Variants in EYA3 observed in about 807,000 individuals in gnomAD.
EYA3 encodes protein phosphatase EYA3.
In EYA3, 39 loss-of-function variants were observed where a neutral mutation model predicts 80.0. The observed-to-expected ratio is 0.49, with a 90% CI of 0.38 to 0.64. The LOEUF is 0.64. Among genes scored for constraint, EYA3 ranks in the 30% least tolerant of loss-of-function variants. EYA3 has a pLI of 0.00. For synonymous variants in EYA3, 206 were observed against 232.8 expected (o/e 0.88, Z 1.05); for missense variants, 523 against 676.1 (o/e 0.77, Z 2.51).
At chr1:27,994,811 A>ATTT (rs1640318917) in intron 13 of EYA3, among the ~76,000 whole-genome samples, 1 of 151,680 alleles carries the variant, frequency 6.6e-6, no homozygotes, top group Non-Finnish European at 1.5e-5. Context: ...TAAGAAAAAA[A>ATTT]TTTTTTAATT....
At chr1:28,032,224 G>T (rs1643188913) in intron 6 of EYA3, 1 of 152,138 alleles carries the variant, frequency 6.6e-6, no homozygotes, top group African/African-American at 2.4e-5. Context: ...TTACAACATT[G>T]TGTTTTTGCT....
chr1:27,981,861 CAA>C (rs1432898067), intron 16 of EYA3, among the ~76,000 whole-genome samples: 1 of 151,812 alleles, frequency 6.6e-6, no homozygotes, highest in African/African-American at 2.4e-5. Context: ...ATTTATGAGA[CAA>C]AGTCTTGCTA....
rs1357505545 is a variant in EYA3 at position 28,013,810 on chromosome 1, C to T, written c.586-516G>A. Among the ~76,000 whole-genome samples, 1 of 152,244 alleles carries T rather than the reference C, an allele frequency of 6.6e-6. No homozygotes were observed. The highest frequency in any genetic ancestry group is 1.5e-5 in the Non-Finnish European group (1 of 68,052). Reference sequence around the variant, plus strand: ...GGGTGCAGTGGCTCATGCCTGTAATCTCAGCACTTTGGAAGGCCAAGATGG... The same window carrying T: ...GGGTGCAGTGGCTCATGCCTGTAATTTCAGCACTTTGGAAGGCCAAGATGG... On this transcript the variant is annotated intron_variant, in intron 8 of 17. Coordinates refer to ENST00000373871, the MANE Select transcript of EYA3 (RefSeq NM_001990.4). The surrounding 1 kb of genome is among the most constrained non-coding windows in gnomAD (Gnocchi z 4.0).
chr1:27,993,352 G>A, intron 14 of EYA3, 48 bp downstream of exon 14: 1 of 1,575,966 alleles, frequency 6.3e-7, no homozygotes, highest in Non-Finnish European at 8.6e-7. Flanking sequence ...AGAAAAGGAG[G>A]AAACCAGGAA....
chr1:28,000,310 AT>A (rs577325605), intron 11 of EYA3, among the ~76,000 whole-genome samples: 103 of 150,068 alleles, frequency 6.9e-4, no homozygotes, highest in African/African-American at 1.8e-3. Context: ...AGAAAATATG[AT>A]TTTTTTTTTC....
At chr1:28,002,203 C>G (rs1361153090) in intron 11 of EYA3, among the ~76,000 whole-genome samples, 1 of 152,148 alleles carries the variant, frequency 6.6e-6, no homozygotes, top group African/African-American at 2.4e-5. Flanking sequence ...GTGTGAGCCA[C>G]CGCACCCGGC....
chr1:28,017,216 T>A lies in EYA3; in HGVS notation c.523A>T (p.Ile175Leu). 1 of 1,613,878 alleles carries A rather than the reference T, an allele frequency of 6.2e-7. No homozygotes were observed. Among genetic ancestry groups the A allele is most frequent in the Non-Finnish European group, 8.5e-7 (1 of 1,179,816 alleles). The change falls in exon 8 of 18, where the codon ATA becomes TTA. Residue 175 changes from isoleucine (I) to leucine (L), a missense_variant. Coordinates refer to ENST00000373871, the MANE Select transcript of EYA3 (RefSeq NM_001990.4). ...IQASSTNASL[I>L]STSSTIANIP... is the part of the protein sequence containing the mutation. ...TTGGCAATTGTAGAAGAAGTAGATA[T>A]CAGGCTGGCATTTGTGCTTGAAGCT...
At chr1:27,981,534 C>A (rs1245235732) in intron 16 of EYA3, among the ~76,000 whole-genome samples, 2 of 152,074 alleles carry the variant, frequency 1.3e-5, no homozygotes, top group African/African-American at 4.8e-5. Context: ...TCCACCCAAT[C>A]CCTTGTAAAT....
At chr1:28,062,689 T>G (rs1644677750) in intron 1 of EYA3, among the ~76,000 whole-genome samples, 1 of 151,752 alleles carries the variant, frequency 6.6e-6, no homozygotes, top group East Asian at 1.9e-4. Context: ...TGTGTGTGTG[T>G]GTGTTCTGTT....
chr1:28,048,577 A>G, intron 2 of EYA3, 151 bp from the exon 3 acceptor site: 2 of 501,614 alleles, frequency 4.0e-6, no homozygotes, highest in Non-Finnish European at 7.0e-6. Flanking sequence ...TTTTAGAGCT[A>G]GAAATGAAGT....
At chr1:28,028,995 C>T (rs1000699819) in intron 6 of EYA3, among the ~76,000 whole-genome samples, 4 of 152,058 alleles carry the variant, frequency 2.6e-5, no homozygotes, top group African/African-American at 9.7e-5. Context: ...GTTGGGATTA[C>T]AGGCATGAGC....
At position 28,056,249 on chromosome 1, in the gene EYA3, T is replaced by C. The variant is rs1289551352; in HGVS notation, c.33+1745A>G. Among the ~76,000 whole-genome samples, 3 of 152,256 alleles carry C rather than the reference T, an allele frequency of 2.0e-5. No homozygotes were observed. The East Asian group carries it at 5.8e-4, about 29-fold the overall frequency. On this transcript the variant is annotated intron_variant, in intron 2 of 17. Coordinates refer to ENST00000373871, the MANE Select transcript of EYA3 (RefSeq NM_001990.4). ...AATCATAAATCAACCCAGGACAAAG[T>C]ACCACCAGAAAACCAGGGATAGTCC...
At chr1:27,977,244 T>A in intron 17 of EYA3, 1 of 1,534,924 alleles carries the variant, frequency 6.5e-7, no homozygotes, top group East Asian at 2.5e-5. Context: ...AAGTGACAAA[T>A]GAAAACATGA....
Position 28,027,613 on chromosome 1 carries a change from T to G in EYA3, c.499+176A>C, listed in dbSNP as rs150043967. Among the ~76,000 whole-genome samples the G allele has an allele frequency of 2.6e-3, 398 of 152,288 alleles. 1 individual carries two copies. The highest frequency in any genetic ancestry group is 8.8e-3 in the African/African-American group (365 of 41,568). On this transcript the variant is annotated intron_variant, in intron 7 of 17. Coordinates refer to ENST00000373871, the MANE Select transcript of EYA3 (RefSeq NM_001990.4). Reference sequence around the variant, plus strand: ...CTAAACTACTTATAAACCACACTCCTAAGCTGTGGTTTGCCTAACACAAAA... The same window carrying G: ...CTAAACTACTTATAAACCACACTCCGAAGCTGTGGTTTGCCTAACACAAAA...
Position 27,997,331 on chromosome 1 carries a change from G to T in EYA3, c.1131C>A (p.Gly377=). Residue 377 remains glycine, a synonymous_variant, in exon 13 of 18, where the codon GGC becomes GGA. Transcript: ENST00000373871. ...ATTATGTTTATCACCTCAAGTCTTG[G>T]CCATTGTCATCAGAAGCCACATCTT... ...HVEDVASDDN[G]QDLSNYSFST... 1 of 1,613,956 alleles carries T rather than the reference G, an allele frequency of 6.2e-7. No homozygotes were observed. Among genetic ancestry groups the T allele is most frequent in the Non-Finnish European group, 8.5e-7 (1 of 1,179,890 alleles).
chr1:28,077,443 G>A (rs1320243207), intron 1 of EYA3, among the ~76,000 whole-genome samples: 1 of 151,936 alleles, frequency 6.6e-6, no homozygotes, highest in Admixed American at 6.6e-5. Flanking sequence ...GTGTTCCAAA[G>A]GAAAAATTTC....
chr1:28,023,541 C>G (rs1028751544), intron 7 of EYA3, among the ~76,000 whole-genome samples: 21 of 152,194 alleles, frequency 1.4e-4, no homozygotes, highest in African/African-American at 4.8e-4. Flanking sequence ...AATCCATAAC[C>G]CCAGCGTAAT....
intron 1 of EYA3, among the ~76,000 whole-genome samples, chr1:28,080,405 C>T (rs543149319): frequency 3.9e-5 from 6 of 152,124 alleles, no homozygotes; most frequent in African/African-American, 1.4e-4. Context: ...TGCAGTGAGC[C>T]GTGATAGCGT....
intron 2 of EYA3, among the ~76,000 whole-genome samples, chr1:28,050,472 G>A (rs1644205113): frequency 6.6e-6 from 1 of 152,022 alleles, no homozygotes; most frequent in East Asian, 1.9e-4. Context: ...AAAGTGCTGG[G>A]ATTACAGGCG....
Sources: allele counts gnomAD v4.1 joint callset (sites outside exome capture counted in the v4.1 genomes callset), GRCh38; gene constraint gnomAD v4.1.1; non-coding constraint Gnocchi (gnomAD v3.1); transcripts MANE v1.5; gene names NCBI Gene and HGNC (gene_info 2026-07-23, HGNC 2026-07-21).